Variants in PRELID2 observed in about 807,000 individuals in gnomAD.
PRELID2 encodes PRELI domain-containing protein 2.
Under a neutral mutation model 28.4 loss-of-function variants are expected in PRELID2, and 25 were observed. That is an observed-to-expected ratio of 0.88 (90% CI 0.64 to 1.23). The LOEUF (loss-of-function observed/expected upper bound fraction) is 1.23. Among genes scored for constraint, PRELID2 ranks in the 50% most tolerant of loss-of-function variants. The pLI is 0.00. For synonymous variants in PRELID2, 76 were observed against 71.6 expected, an observed-to-expected ratio of 1.06 and a Z score of -0.31; for missense variants, 201 against 214.4, an observed-to-expected ratio of 0.94 and a Z score of 0.39.
chr5:145,648,766 C>T lies in PRELID2; in HGVS notation n.70+116165G>A, dbSNP rs146633097. On this transcript the variant is annotated intron_variant and non_coding_transcript_variant, in intron 1 of 2. Coordinates refer to the PRELID2 transcript ENST00000510259. ...ATCCTTTACTCTTTCTCTGAGCCAC[C>T]CCTTATAGGTATAAATAATCATATA... Among the ~76,000 whole-genome samples the T allele has an allele frequency of 2.0e-3, 305 of 149,526 alleles. 1 individual carries two copies. Among genetic ancestry groups the T allele is most frequent in the African/African-American group, 6.7e-3 (274 of 41,048 alleles).
chr5:145,738,045 C>G (rs934832201), intron 1 of PRELID2, among the ~76,000 whole-genome samples: 1 of 152,170 alleles, frequency 6.6e-6, no homozygotes, highest in Non-Finnish European at 1.5e-5. Flanking sequence ...CACTTCTACC[C>G]TTCCCAGGGT....
At chr5:145,433,822 G>A in the PRELID2 span, among the ~76,000 whole-genome samples, 1 of 152,044 alleles carries the variant, frequency 6.6e-6, no homozygotes, top group Non-Finnish European at 1.5e-5. Context: ...CTTCCTGCTG[G>A]TACTGTATCT....
At chr5:145,711,382 C>G (rs1489466391) in intron 1 of PRELID2, among the ~76,000 whole-genome samples, 1 of 152,070 alleles carries the variant, frequency 6.6e-6, no homozygotes, top group Admixed American at 6.6e-5. Flanking sequence ...GAGAACATAC[C>G]CATGGCTGCT....
chr5:145,337,066 A>G, the PRELID2 span, among the ~76,000 whole-genome samples: 2 of 151,688 alleles, frequency 1.3e-5, no homozygotes, highest in Non-Finnish European at 2.9e-5. Flanking sequence ...TACATATGTA[A>G]CTAACCTGCA....
At chr5:145,751,335 G>A (rs531820478) in intron 1 of PRELID2, among the ~76,000 whole-genome samples, 12 of 152,308 alleles carry the variant, frequency 7.9e-5, no homozygotes, top group African/African-American at 2.6e-4. Flanking sequence ...GAGTTCCAGT[G>A]ATTGGGGGTG....
chr5:145,354,198 G>C, the PRELID2 span, among the ~76,000 whole-genome samples: 1 of 151,300 alleles, frequency 6.6e-6, no homozygotes, highest in Non-Finnish European at 1.5e-5. Flanking sequence ...CACATTATTC[G>C]ACGACTTTCC....
intron 1 of PRELID2, among the ~76,000 whole-genome samples, chr5:145,519,642 C>T (rs1752546807): frequency 6.6e-6 from 1 of 152,130 alleles, no homozygotes; most frequent in South Asian, 2.1e-4. Flanking sequence ...TGAGTAGGAG[C>T]TCTTTTTATT....
At chr5:145,481,623 CAAAAAAAAAAAAAAAAAAAAAAAAA>C (rs70998021) in intron 1 of PRELID2, among the ~76,000 whole-genome samples, 1 of 41,864 alleles carries the variant, frequency 2.4e-5, no homozygotes, top group Non-Finnish European at 3.8e-5. Flanking sequence ...GCAAGGAAAT[CAAAAAAAAAAAAAAAAAAAAAAAAA>C]AAAAAGAAAG....
intron 1 of PRELID2, among the ~76,000 whole-genome samples, chr5:145,537,710 G>A (rs962909657): frequency 5.9e-5 from 9 of 151,582 alleles, no homozygotes; most frequent in East Asian, 5.8e-4. Context: ...AGTTGTTTAA[G>A]TTCATTATAT....
chr5:145,613,092 A>G (rs890835511), intron 1 of PRELID2, among the ~76,000 whole-genome samples: 2 of 152,128 alleles, frequency 1.3e-5, no homozygotes, highest in Non-Finnish European at 2.9e-5. Context: ...GCATTCCCTG[A>G]TCACTGAAAG....
chr5:145,462,149 ACGTAAGCATG>A, the PRELID2 span, among the ~76,000 whole-genome samples: 7 of 152,224 alleles, frequency 4.6e-5, no homozygotes, highest in Non-Finnish European at 1.0e-4. Context: ...AGCTGATAGT[ACGTAAGCATG>A]ACAAAAAGCT....
At chr5:145,508,298 T>TAGATAGATA (rs1561496164) in intron 1 of PRELID2, among the ~76,000 whole-genome samples, 3 of 94,916 alleles carry the variant, frequency 3.2e-5, no homozygotes. Context: ...ATAGATAGAT[T>TAGATAGATA]AAAAAATGTA....
At chr5:145,784,280 G>A (rs958253341) in intron 5 of PRELID2, among the ~76,000 whole-genome samples, 4 of 151,238 alleles carry the variant, frequency 2.6e-5, no homozygotes, top group African/African-American at 9.7e-5. Flanking sequence ...TCATGGAGGT[G>A]GACTAAAGTC....
intron 1 of PRELID2, among the ~76,000 whole-genome samples, chr5:145,558,165 G>A (rs567630038): frequency 6.6e-6 from 1 of 152,248 alleles, no homozygotes; most frequent in East Asian, 1.9e-4. Context: ...TGTTCTTAAT[G>A]GGACTATTAA....
At chr5:145,733,642 C>CT (rs981099524) in intron 1 of PRELID2, among the ~76,000 whole-genome samples, 1 of 152,224 alleles carries the variant, frequency 6.6e-6, no homozygotes, top group African/African-American at 2.4e-5. Context: ...AAATTTTACA[C>CT]TTAGCCAGCC....
chr5:145,358,528 A>T, the PRELID2 span, among the ~76,000 whole-genome samples: 1 of 152,122 alleles, frequency 6.6e-6, no homozygotes, highest in Non-Finnish European at 1.5e-5. Context: ...GAAAGACAGG[A>T]TACAGTCTTC....
the PRELID2 span, among the ~76,000 whole-genome samples, chr5:145,356,027 A>T: frequency 6.6e-6 from 1 of 152,176 alleles, no homozygotes; most frequent in African/African-American, 2.4e-5. Context: ...ACAGTTTTGA[A>T]TTCTTCCAAT....
At chr5:145,548,825 T>C (rs1044184902) in intron 1 of PRELID2, among the ~76,000 whole-genome samples, 3 of 152,180 alleles carry the variant, frequency 2.0e-5, no homozygotes, top group African/African-American at 7.2e-5. Context: ...TCCGTATTCT[T>C]TACTGACTTT....
chr5:145,676,238 A>T (rs938938641), intron 1 of PRELID2, among the ~76,000 whole-genome samples: 15 of 145,946 alleles, frequency 1.0e-4, no homozygotes, highest in South Asian at 4.2e-4. Context: ...AAAAAAAAAA[A>T]AAAATAATGT....
Sources: gnomAD v4.1 joint callset for allele counts (sites outside exome capture counted in the v4.1 genomes callset) on GRCh38, gnomAD v4.1.1 for gene constraint, MANE v1.5 for transcripts, NCBI Gene and HGNC (gene_info 2026-07-23, HGNC 2026-07-21) for gene names.